Variants in PARP16 observed in about 807,000 individuals in gnomAD.
PARP16 encodes protein mono-ADP-ribosyltransferase PARP16.
PARP16 carries 31 observed loss-of-function variants against 35.0 expected under a neutral mutation model. That is an observed-to-expected ratio of 0.88 (90% confidence interval 0.66 to 1.19). PARP16 has a LOEUF of 1.19. Ranked by LOEUF, PARP16 falls within the 50% of genes most tolerant of loss-of-function variation. The pLI is 0.00. For missense variants in PARP16, 424 were observed against 411.2 expected (o/e 1.03, Z -0.27); for synonymous variants, 162 against 169.5 (o/e 0.96, Z 0.34).
chr15:65,255,912 G>A (rs562939797), downstream of PARP16, among the ~76,000 whole-genome samples: 2 of 152,018 alleles, frequency 1.3e-5, no homozygotes, highest in African/African-American at 2.4e-5. Flanking sequence ...GCCAGGTCTC[G>A]GGGAACAGAA....
At chr15:65,280,161 G>T (rs1045404783) in intron 1 of PARP16, among the ~76,000 whole-genome samples, 1 of 152,084 alleles carries the variant, frequency 6.6e-6, no homozygotes, top group Admixed American at 6.6e-5. Context: ...CATGAGCCAG[G>T]TGTGGTGGTT....
chr15:65,275,984 A>G (rs1195490445), intron 1 of PARP16, among the ~76,000 whole-genome samples: 1 of 152,168 alleles, frequency 6.6e-6, no homozygotes, highest in African/African-American at 2.4e-5. Context: ...ACAGTCAGCT[A>G]GCCAGGTGCC....
In PARP16 at chr15:65,286,431, G is replaced by C. The variant is rs1490144142; in HGVS notation, c.-5C>G. 2.0e-6 allele frequency: 3 copies of C among 1,487,238 alleles called. No homozygotes were observed. The African/African-American group carries it at 4.4e-5, about 22-fold the overall frequency. 92.1% of individuals were successfully genotyped at this position (1,487,238 alleles called of 1,614,324 possible). On this transcript the variant is annotated 5_prime_UTR_variant, in exon 1 of 6. Transcript: ENST00000649807. Reference sequence around the variant, plus strand: ...CGCCCAGCCTGAGGGCTGCATCCCAGGTCACTGCGCGTTGCCGGGGTAGAC... The same window carrying C: ...CGCCCAGCCTGAGGGCTGCATCCCACGTCACTGCGCGTTGCCGGGGTAGAC...
Position 65,286,519 on chromosome 15 carries a change from G to A in PARP16, c.-93C>T, listed in dbSNP as rs1429936728. On this transcript the variant is annotated 5_prime_UTR_variant, in exon 1 of 6. Coordinates refer to ENST00000649807, the MANE Select transcript of PARP16 (RefSeq NM_001316943.2). ...CGGGGGCTGGGCCCGCGGACAATGG[G>A]CCGTCAGGGGCCGGGTTCCCAAGCC... 3 of 962,078 alleles carry A rather than the reference G, an allele frequency of 3.1e-6. No individual in the cohort carries two copies. The highest frequency in any genetic ancestry group is 3.7e-5 in the Admixed American group (1 of 27,232). The allele number at this position is 962,078 out of a possible 1,614,324, so 59.6% of individuals were successfully genotyped here. A position where few individuals can be genotyped will look rare whatever the true frequency, so the allele number is the denominator to read the frequency against.
At chr15:65,256,541 G>A (rs1284997797), downstream of PARP16, among the ~76,000 whole-genome samples, 6 of 151,284 alleles carry the variant, frequency 4.0e-5, no homozygotes, top group Non-Finnish European at 7.4e-5. Context: ...CCGAGTAGCT[G>A]GGACTACAGG....
At chr15:65,247,651 G>A (rs2089243913) in intron 3 of PARP16, among the ~76,000 whole-genome samples, 1 of 152,042 alleles carries the variant, frequency 6.6e-6, no homozygotes, top group South Asian at 2.1e-4. Context: ...ACCCCAGCCT[G>A]TCTACCCAGG....
At chr15:65,261,130 G>T in intron 4 of PARP16, 104 bp from the exon 5 acceptor site, 1 of 1,056,330 alleles carries the variant, frequency 9.5e-7, no homozygotes, top group Non-Finnish European at 1.4e-6. Flanking sequence ...GGGGGAAGAA[G>T]GCCTGGCAGG....
At chr15:65,231,930 G>A (rs7168427), downstream of PARP16, among the ~76,000 whole-genome samples, 150,080 of 152,180 alleles carry the variant, frequency 0.99, 74,035 homozygotes, top group East Asian at 1. Flanking sequence ...TCATGTCATT[G>A]TTTTTTCTTA....
chr15:65,251,889 C>T (rs2089372094), intron 2 of PARP16, among the ~76,000 whole-genome samples: 2 of 152,076 alleles, frequency 1.3e-5, no homozygotes. Flanking sequence ...CTCAGCCTCC[C>T]GAGTAGCTGG....
chr15:65,284,337 CTTTTTTTTTTTTTT>C (rs34254507), intron 1 of PARP16, among the ~76,000 whole-genome samples: 29 of 67,084 alleles, frequency 4.3e-4, no homozygotes, highest in South Asian at 2.3e-3. Context: ...TTTCTTTCCT[CTTTTTTTTTTTTTT>C]TTTTTTTTTT....
intron 3 of PARP16, among the ~76,000 whole-genome samples, chr15:65,240,271 T>G (rs2140729712): frequency 6.7e-6 from 1 of 149,524 alleles, no homozygotes; most frequent in African/African-American, 2.5e-5. Flanking sequence ...TCAAGTAGCT[T>G]GGCGCCCGCC....
downstream of PARP16, among the ~76,000 whole-genome samples, chr15:65,253,670 T>C (rs1032069740): frequency 2.0e-5 from 3 of 152,114 alleles, no homozygotes; most frequent in African/African-American, 7.2e-5. Flanking sequence ...TACCCTCTAC[T>C]GTGATAGGGA....
At chr15:65,262,555 A>T (rs1432983756) in intron 4 of PARP16, among the ~76,000 whole-genome samples, 4 of 152,166 alleles carry the variant, frequency 2.6e-5, no homozygotes, top group Admixed American at 6.5e-5. Flanking sequence ...GGGGAGTGGG[A>T]TGAGGTAGCC....
chr15:65,252,462 A>G (rs2140784978), intron 2 of PARP16, among the ~76,000 whole-genome samples: 1 of 152,310 alleles, frequency 6.6e-6, no homozygotes, highest in Non-Finnish European at 1.5e-5. Flanking sequence ...TGCATCTTTA[A>G]AGCAGCCTGC....
rs71136331 is a variant in PARP16 at position 65,250,107 on chromosome 15, C to CTTTT, written c.203-1883_203-1880dup. On this transcript the variant is annotated intron_variant and NMD_transcript_variant, in intron 2 of 3. Coordinates refer to the PARP16 transcript ENST00000559805. The stretch of plus-strand genomic sequence containing the variant: ...TAGCTGCAGCCTTGCACCTGCTTGC[C>CTTTT]TTTTTTTTTTTTTTTTTTTTTTTTT... Among the ~76,000 whole-genome samples the CTTTT allele has an allele frequency of 1.6e-4, 14 of 87,146 alleles. 1 individual carries two copies. The highest frequency in any genetic ancestry group is 7.6e-4 in the African/African-American group (14 of 18,356). 57.2% of individuals were successfully genotyped at this position (87,146 alleles called of 152,430 possible).
At chr15:65,273,055 G>A (rs562200495) in intron 1 of PARP16, among the ~76,000 whole-genome samples, 35 of 151,838 alleles carry the variant, frequency 2.3e-4, no homozygotes, top group Admixed American at 2.0e-3. Context: ...TGAGGGGGGC[G>A]GGTCACGAGG....
At position 65,279,186 on chromosome 15, in the gene PARP16, G is replaced by A. The variant is rs558681348; in HGVS notation, c.174+7067C>T. 2.0e-5 allele frequency among the ~76,000 whole-genome samples: 3 copies of A among 151,332 alleles called. No individual in the cohort carries two copies. In the East Asian group the frequency reaches 5.8e-4, roughly 29 times the overall value. On this transcript the variant is annotated intron_variant, in intron 1 of 5. Coordinates refer to ENST00000649807, the MANE Select transcript of PARP16 (RefSeq NM_001316943.2). ...GTGCCATCACCACGTCCAGTGATTAGCTGATGGTGATGAAGATAATACTAA... is the reference window on the plus strand; with the variant it reads ...GTGCCATCACCACGTCCAGTGATTAACTGATGGTGATGAAGATAATACTAA...
chr15:65,276,292 C>T (rs1402431522), intron 1 of PARP16, among the ~76,000 whole-genome samples: 1 of 152,188 alleles, frequency 6.6e-6, no homozygotes, highest in Non-Finnish European at 1.5e-5. Flanking sequence ...ACCAGGCACA[C>T]AAGTAGGGTT....
At chr15:65,237,004 A>C (rs1183656956) in intron 3 of PARP16, among the ~76,000 whole-genome samples, 1 of 151,914 alleles carries the variant, frequency 6.6e-6, no homozygotes, top group Non-Finnish European at 1.5e-5. Context: ...AAAAGAAAAA[A>C]GGTGTGGAAA....
Sources: allele counts gnomAD v4.1 joint callset (sites outside exome capture counted in the v4.1 genomes callset), GRCh38; gene constraint gnomAD v4.1.1; transcripts MANE v1.5; gene names NCBI Gene and HGNC (gene_info 2026-07-23, HGNC 2026-07-21).